The following CCDC3 variants were observed in gnomAD, a reference collection of about 807,000 sequenced individuals.
The protein encoded by CCDC3 is coiled-coil domain containing 3, also known as coiled-coil domain-containing protein 3.
CCDC3 carries 24 observed loss-of-function variants against 21.4 expected under a neutral mutation model. That is an observed-to-expected ratio of 1.12 (90% CI 0.81 to 1.58). The LOEUF (loss-of-function observed/expected upper bound fraction) is 1.58. Ranked by LOEUF, CCDC3 falls within the 40% of genes most tolerant of loss-of-function variation. The probability of loss-of-function intolerance (pLI) is 0.00; values close to 1 mark genes in which losing one functional copy is unlikely to be tolerated. For synonymous variants in CCDC3, 186 were observed against 166.0 expected (o/e 1.12, Z -0.93); for missense variants, 425 against 360.9 (o/e 1.18, Z -1.44).
intron 2 of CCDC3, among the ~76,000 whole-genome samples, chr10:12,956,644 G>T (rs539961209): frequency 1.3e-5 from 2 of 152,322 alleles, no homozygotes; most frequent in South Asian, 4.1e-4. Flanking sequence ...CTGGCCAAAA[G>T]AATCACAAAG....
At chr10:13,073,982 C>T (rs1165729484) in exon 4 of CCDC3, 1 of 141,724 alleles carries the variant, frequency 7.1e-6, no homozygotes, top group Non-Finnish European at 1.6e-5. Context: ...CATTCCAAGT[C>T]TTTGTAAGCA....
intron 2 of CCDC3, among the ~76,000 whole-genome samples, chr10:12,965,754 G>A (rs1478621291): frequency 3.3e-5 from 5 of 152,152 alleles, no homozygotes; most frequent in Admixed American, 1.3e-4. Context: ...CGGCAGTTTG[G>A]AATTTTCTGT....
chr10:12,956,672 A>C (rs985799727), intron 2 of CCDC3, among the ~76,000 whole-genome samples: 8 of 152,182 alleles, frequency 5.3e-5, no homozygotes, highest in African/African-American at 1.9e-4. Flanking sequence ...CCTGGACTAA[A>C]CTTTAGTCAA....
intron 2 of CCDC3, among the ~76,000 whole-genome samples, chr10:12,959,041 G>A (rs1024602105): frequency 1.6e-4 from 24 of 152,274 alleles, no homozygotes; most frequent in South Asian, 2.1e-4. Flanking sequence ...AGCAGGTGTC[G>A]CCACATAGGG....
At chr10:13,052,051 T>C (rs1836615085) in intron 4 of CCDC3, among the ~76,000 whole-genome samples, 1 of 152,056 alleles carries the variant, frequency 6.6e-6, no homozygotes, top group Non-Finnish European at 1.5e-5. Flanking sequence ...AGGAGAAGCC[T>C]AGAAGGTGCA....
chr10:12,983,067 A>C, intron 2 of CCDC3, among the ~76,000 whole-genome samples: 1 of 148,000 alleles, frequency 6.8e-6, no homozygotes, highest in African/African-American at 2.5e-5. Flanking sequence ...AGCCAAGGTC[A>C]TGCCACTACA....
intron 4 of CCDC3, chr10:13,057,823 G>T: frequency 3.3e-6 from 1 of 306,548 alleles, no homozygotes; most frequent in Non-Finnish European, 6.2e-6. Context: ...GGAGGTTGCA[G>T]TGAGCTGAGA....
In CCDC3 at chr10:12,897,849, T is replaced by G. The variant is rs1834024503; in HGVS notation, c.*567A>C. The stretch of plus-strand genomic sequence containing the variant: ...GTGATGAGCTTATGAAGTCTTCACC[T>G]GCCTCAGCTGGAAGGAAAATGCTGG... On this transcript the variant is annotated 3_prime_UTR_variant, in exon 3 of 3. Coordinates refer to ENST00000378825, the MANE Select transcript of CCDC3 (RefSeq NM_031455.4). 6.5e-6 allele frequency: 1 copy of G among 152,934 alleles called. No individual in the cohort carries two copies. The highest frequency in any genetic ancestry group is 6.5e-5 in the Admixed American group (1 of 15,406). 9.5% of individuals were successfully genotyped at this position (152,934 alleles called of 1,614,324 possible). A position where few individuals can be genotyped will look rare whatever the true frequency, so the allele number is the denominator to read the frequency against.
chr10:13,087,692 T>C (rs559633811), intron 3 of CCDC3, among the ~76,000 whole-genome samples: 84 of 149,320 alleles, frequency 5.6e-4, no homozygotes, highest in African/African-American at 2.0e-3. Flanking sequence ...TATCCTTAGA[T>C]ACTTAGAAGA....
chr10:12,924,257 G>A (rs888453263), intron 2 of CCDC3, among the ~76,000 whole-genome samples: 1 of 152,104 alleles, frequency 6.6e-6, no homozygotes, highest in Non-Finnish European at 1.5e-5. Context: ...TGCCTATGTC[G>A]AGGCCCTCTA....
intron 4 of CCDC3, among the ~76,000 whole-genome samples, chr10:13,059,885 G>A (rs1425024412): frequency 2.0e-5 from 3 of 152,052 alleles, no homozygotes; most frequent in South Asian, 4.1e-4. Context: ...GTCAGGAGAT[G>A]AGACCATCCT....
intron 3 of CCDC3, among the ~76,000 whole-genome samples, chr10:13,079,665 T>C (rs1837009986): frequency 6.6e-6 from 1 of 152,108 alleles, no homozygotes; most frequent in South Asian, 2.1e-4. Context: ...AAATCCCCAT[T>C]AGGGGAAGAT....
intron 2 of CCDC3, among the ~76,000 whole-genome samples, chr10:12,930,328 G>A (rs1170280151): frequency 1.3e-5 from 2 of 152,192 alleles, no homozygotes; most frequent in Non-Finnish European, 2.9e-5. Flanking sequence ...ACATTTAATA[G>A]AGTGATGAAT....
intron 4 of CCDC3, among the ~76,000 whole-genome samples, chr10:13,061,073 T>G (rs1290969876): frequency 2.6e-5 from 4 of 152,230 alleles, no homozygotes; most frequent in Non-Finnish European, 5.9e-5. Context: ...TTTCTAAATC[T>G]GTAAAACAGT....
chr10:13,020,564 T>C (rs187526573), intron 5 of CCDC3, among the ~76,000 whole-genome samples: 1 of 152,344 alleles, frequency 6.6e-6, no homozygotes, highest in East Asian at 1.9e-4. Flanking sequence ...CTTCAAAAGT[T>C]TGTGGAGTAA....
intron 3 of CCDC3, among the ~76,000 whole-genome samples, chr10:13,077,702 C>A (rs1719803179): frequency 6.6e-6 from 1 of 152,134 alleles, no homozygotes; most frequent in South Asian, 2.1e-4. Flanking sequence ...AGAAATGATA[C>A]CACACATCTA....
chr10:13,035,203 T>A (rs1026837871), intron 5 of CCDC3, among the ~76,000 whole-genome samples: 1 of 152,094 alleles, frequency 6.6e-6, no homozygotes, highest in Non-Finnish European at 1.5e-5. Flanking sequence ...GGAAGCTGCC[T>A]CTTCTTGGCT....
At chr10:13,016,396 C>T (rs1487377618) in intron 5 of CCDC3, among the ~76,000 whole-genome samples, 1 of 150,442 alleles carries the variant, frequency 6.6e-6, no homozygotes, top group Non-Finnish European at 1.5e-5. Flanking sequence ...AGGGAATGGG[C>T]CCAGGAAACC....
At chr10:13,081,383 AAAG>A (rs1446036660) in intron 3 of CCDC3, among the ~76,000 whole-genome samples, 1 of 152,124 alleles carries the variant, frequency 6.6e-6, no homozygotes, top group East Asian at 1.9e-4. Context: ...CAAAGGTCAG[AAAG>A]AAGAAAAACT....
Sources: gnomAD v4.1 joint callset for allele counts (sites outside exome capture counted in the v4.1 genomes callset) on GRCh38, gnomAD v4.1.1 for gene constraint, MANE v1.5 for transcripts, NCBI Gene and HGNC (gene_info 2026-07-23, HGNC 2026-07-21) for gene names.